ARPC4: variants seen among roughly 807,000 people sequenced by gnomAD.
The protein encoded by ARPC4 is actin-related protein 2/3 complex subunit 4.
A neutral mutation model predicts 22.8 loss-of-function variants in ARPC4; 3 were observed. The ratio of observed to expected loss-of-function variants is 0.13; its 90% confidence interval spans 0.06 to 0.34. The LOEUF (loss-of-function observed/expected upper bound fraction) is 0.34, where lower values mean the gene tolerates loss of function less well. ARPC4 is among the 10% of genes least tolerant of loss of function. ARPC4 has a pLI of 1.00. For synonymous variants in ARPC4, 80 were observed against 72.5 expected (o/e 1.10, Z -0.52); for missense variants, 98 against 211.0 (o/e 0.46, Z 3.32).
intron 2 of ARPC4, among the ~76,000 whole-genome samples, chr3:9,798,420 C>A (rs1189742916): frequency 1.3e-5 from 2 of 151,920 alleles, no homozygotes; most frequent in Non-Finnish European, 2.9e-5. Flanking sequence ...TCCATCTCTA[C>A]CAAAAAAATA....
At chr3:9,800,065 C>A in intron 2 of ARPC4, 120 bp from the exon 3 acceptor site, 3 of 970,078 alleles carry the variant, frequency 3.1e-6, no homozygotes, top group Non-Finnish European at 4.7e-6. Flanking sequence ...AGCACTCCTG[C>A]TTGTGAGTCT....
chr3:9,797,457 C>A (rs1006709040), intron 1 of ARPC4, among the ~76,000 whole-genome samples: 1 of 152,166 alleles, frequency 6.6e-6, no homozygotes, highest in Non-Finnish European at 1.5e-5. Flanking sequence ...TGTACCCTGG[C>A]AGGCAAAATT....
At chr3:9,798,659 A>T (rs898571136) in intron 2 of ARPC4, among the ~76,000 whole-genome samples, 1 of 152,130 alleles carries the variant, frequency 6.6e-6, no homozygotes, top group Non-Finnish European at 1.5e-5. Context: ...ACAGATTATG[A>T]GGTCAAGAGA....
chr3:9,796,933 T>A (rs1163940310), intron 1 of ARPC4, among the ~76,000 whole-genome samples: 6 of 101,416 alleles, frequency 5.9e-5, no homozygotes, highest in Admixed American at 4.5e-4. Context: ...AGAGCGAGAC[T>A]CTGTCTCAAA....
upstream of ARPC4, chr3:9,792,939 GC>G: frequency 7.1e-7 from 1 of 1,413,750 alleles, no homozygotes; most frequent in Non-Finnish European, 9.2e-7. Flanking sequence ...TACCGAGACA[GC>G]CCTAGGTGGA....
At chr3:9,799,733 G>A (rs1345325955) in intron 2 of ARPC4, 1 of 410,588 alleles carries the variant, frequency 2.4e-6, no homozygotes, top group East Asian at 7.1e-5. Context: ...ATGAGCCACT[G>A]TGCCCAGCCA....
intron 5 of ARPC4, 135 bp from the exon 6 acceptor site, chr3:9,806,075 G>GTT: frequency 2.0e-6 from 2 of 994,166 alleles, no homozygotes; most frequent in Admixed American, 1.7e-5. Flanking sequence ...ATGACCACAA[G>GTT]GTGTCCTGGG....
At chr3:9,793,636 C>G (rs1447174063) in intron 1 of ARPC4, among the ~76,000 whole-genome samples, 1 of 152,212 alleles carries the variant, frequency 6.6e-6, no homozygotes, top group Non-Finnish European at 1.5e-5. Context: ...CGTGTTGCTT[C>G]CATTCAGGCC....
Position 9,797,642 on chromosome 3 carries a change from T to C in ARPC4, c.4-17T>C, listed in dbSNP as rs889535736. 2 of 1,608,324 alleles carry C rather than the reference T, an allele frequency of 1.2e-6. No homozygotes were observed. The highest frequency in any genetic ancestry group is 1.7e-6 in the Non-Finnish European group (2 of 1,175,980). ...ACAGATTTTGATCTTCCCTTTCCTC[T>C]GTGTTATTTCCTATAGACTGCCACT... is the stretch of plus-strand genomic sequence containing the variant. On this transcript the variant is annotated splice_polypyrimidine_tract_variant and intron_variant, in intron 1 of 5. Transcript: ENST00000397261.
chr3:9,806,247 T>G lies in ARPC4; in HGVS notation c.*32T>G. On this transcript the variant is annotated 3_prime_UTR_variant, in exon 6 of 6. Coordinates refer to ENST00000397261, the MANE Select transcript of ARPC4 (RefSeq NM_005718.5). ...TGGCTGGATCTCGTGGCCTTCCCCC[T>G]CAGACTACCCATGTCTCCACGAAGG... 1.9e-6 allele frequency: 3 copies of G among 1,611,472 alleles called. No homozygotes were observed. The highest frequency in any genetic ancestry group is 2.5e-6 in the Non-Finnish European group (3 of 1,177,618).
At chr3:9,804,046 G>T in intron 5 of ARPC4, 33 bp downstream of exon 5, 1 of 1,608,686 alleles carries the variant, frequency 6.2e-7, no homozygotes, top group Non-Finnish European at 8.5e-7. Flanking sequence ...CCTTCCAGAG[G>T]CCAGAGGATC....
chr3:9,796,960 G>C (rs899565171), intron 1 of ARPC4, among the ~76,000 whole-genome samples: 11 of 100,398 alleles, frequency 1.1e-4, no homozygotes, highest in African/African-American at 3.6e-4. Context: ...AAAAAAAAAA[G>C]AATGTCCTTA....
At position 9,794,063 on chromosome 3, in the gene ARPC4, AT is replaced by A. The variant is rs918565815; in HGVS notation, c.3+949del. ...CCTCATGTCTCTGCTAAAAATCTGTATTTTTTTTTTCTAGTGGGGCACATGC... is the reference window on the plus strand; with the variant it reads ...CCTCATGTCTCTGCTAAAAATCTGTATTTTTTTTTCTAGTGGGGCACATGC... On this transcript the variant is annotated intron_variant, in intron 1 of 5. Transcript: ENST00000397261. Among the ~76,000 whole-genome samples, 570 of 148,838 alleles carry A rather than the reference AT, an allele frequency of 3.8e-3. 3 individuals carry two copies. The highest frequency in any genetic ancestry group is 0.014 in the Middle Eastern group (4 of 292).
intron 4 of ARPC4, among the ~76,000 whole-genome samples, chr3:9,802,532 C>T (rs1357157533): frequency 5.0e-4 from 75 of 150,924 alleles, no homozygotes; most frequent in African/African-American, 1.8e-3. Context: ...CCCACCACCA[C>T]ACCTGGCTAA....
upstream of ARPC4, chr3:9,792,854 G>T (rs41278549): frequency 2.9e-6 from 4 of 1,368,226 alleles, no homozygotes; most frequent in Non-Finnish European, 3.8e-6. Context: ...TGACAAGAAG[G>T]CCGAAGGCAC....
At chr3:9,795,123 A>C (rs1397529344) in intron 1 of ARPC4, among the ~76,000 whole-genome samples, 1 of 151,992 alleles carries the variant, frequency 6.6e-6, no homozygotes, top group Non-Finnish European at 1.5e-5. Flanking sequence ...CTACTGCCTC[A>C]GCCTCTCAAG....
At chr3:9,805,923 C>T (rs2079097827) in intron 5 of ARPC4, among the ~76,000 whole-genome samples, 1 of 152,214 alleles carries the variant, frequency 6.6e-6, no homozygotes, top group Non-Finnish European at 1.5e-5. Context: ...AGGACGCTGG[C>T]AGGGCTTTCT....
intron 5 of ARPC4, among the ~76,000 whole-genome samples, chr3:9,805,975 T>G (rs530485027): frequency 6.6e-6 from 1 of 152,344 alleles, no homozygotes; most frequent in African/African-American, 2.4e-5. Context: ...GTGGAGAAGC[T>G]CTCATGGCTC....
At chr3:9,795,852 T>G (rs150543632) in intron 1 of ARPC4, among the ~76,000 whole-genome samples, 62 of 152,296 alleles carry the variant, frequency 4.1e-4, no homozygotes, top group African/African-American at 1.5e-3. Context: ...TCCCAGCACT[T>G]TAGGAGGCCG....
Sources: allele counts gnomAD v4.1 joint callset (sites outside exome capture counted in the v4.1 genomes callset), GRCh38; gene constraint gnomAD v4.1.1; transcripts MANE v1.5; gene names NCBI Gene and HGNC (gene_info 2026-07-23, HGNC 2026-07-21).